The following ADIPOR2 variants were observed in gnomAD, a reference collection of about 807,000 sequenced individuals.
ADIPOR2 encodes the protein adiponectin receptor protein 2.
A neutral mutation model predicts 40.9 loss-of-function variants in ADIPOR2; 18 were observed. That is an observed-to-expected ratio of 0.44 (90% CI 0.30 to 0.65). The LOEUF (loss-of-function observed/expected upper bound fraction) is 0.65, where lower values mean the gene tolerates loss of function less well. Ranked by LOEUF, ADIPOR2 falls within the 30% of genes least tolerant of loss-of-function variation. ADIPOR2 has a pLI of 0.09. For synonymous variants in ADIPOR2, 165 were observed against 166.4 expected (o/e 0.99, Z 0.06); for missense variants, 283 against 479.2 (o/e 0.59, Z 3.82).
chr12:1,695,120 A>G (rs1165314601), intron 1 of ADIPOR2, among the ~76,000 whole-genome samples: 1 of 150,868 alleles, frequency 6.6e-6, no homozygotes, highest in African/African-American at 2.4e-5. Context: ...GGCTCAAGCG[A>G]TCCTCCCACC....
chr12:1,765,285 A>G (rs1862353711), intron 2 of ADIPOR2, among the ~76,000 whole-genome samples: 2 of 152,210 alleles, frequency 1.3e-5, no homozygotes, highest in African/African-American at 4.8e-5. Context: ...TGAGACATTT[A>G]TTCAGTCTAC....
rs1218542842 is a variant in ADIPOR2, at chr12:1,714,255, A to T, written c.-87+23064A>T. Among the ~76,000 whole-genome samples, 3 of 152,094 alleles carry T rather than the reference A, an allele frequency of 2.0e-5. No homozygotes were observed. In the East Asian group the frequency reaches 5.8e-4, roughly 29 times the overall value. On this transcript the variant is annotated intron_variant, in intron 1 of 7. Coordinates refer to ENST00000357103, the MANE Select transcript of ADIPOR2 (RefSeq NM_024551.3). Reference sequence around the variant, plus strand: ...AAGGTCTGTTTGTCTGAGGGCCATGACTAAGGCTGTAGCCTTTCTCTTATC... The same window carrying T: ...AAGGTCTGTTTGTCTGAGGGCCATGTCTAAGGCTGTAGCCTTTCTCTTATC...
chr12:1,703,790 T>C (rs2154441485), intron 1 of ADIPOR2, among the ~76,000 whole-genome samples: 1 of 152,202 alleles, frequency 6.6e-6, no homozygotes, highest in South Asian at 2.1e-4. Flanking sequence ...GATTTGTTTG[T>C]TTTTTTGTTT....
chr12:1,729,856 C>T (rs557801645), intron 1 of ADIPOR2, among the ~76,000 whole-genome samples: 55 of 152,086 alleles, frequency 3.6e-4, no homozygotes, highest in Non-Finnish European at 5.6e-4. Context: ...CAGGGAAAAG[C>T]ACAAAACTTG....
At position 1,778,107 on chromosome 12, in the gene ADIPOR2, C is replaced by T. The variant is rs528809519; in HGVS notation, c.463+82C>T. The T allele has an allele frequency of 1.7e-5, 24 of 1,421,446 alleles. No individual in the cohort carries two copies. In the African/African-American group the frequency reaches 3.3e-4, roughly 20 times the overall value. The allele number at this position is 1,421,446 out of a possible 1,614,324, so 88.1% of individuals were successfully genotyped here. On this transcript the variant is annotated intron_variant, in intron 4 of 7. Transcript: ENST00000357103. ...CATGTATTTGAGGGTAAGCACAGAA[C>T]TTCAGAAATGTATTTGGATTTGCCA...
intron 1 of ADIPOR2, among the ~76,000 whole-genome samples, chr12:1,742,635 A>G (rs1488580183): frequency 6.6e-6 from 1 of 152,244 alleles, no homozygotes; most frequent in Admixed American, 6.5e-5. Flanking sequence ...GCGTTTGCAT[A>G]TAACCTAAGC....
At chr12:1,721,212 T>C (rs1399815317) in intron 1 of ADIPOR2, among the ~76,000 whole-genome samples, 4 of 114,186 alleles carry the variant, frequency 3.5e-5, no homozygotes, top group Non-Finnish European at 7.4e-5. Context: ...AAACTTTTTT[T>C]TTTTTTTTTT....
intron 1 of ADIPOR2, among the ~76,000 whole-genome samples, chr12:1,727,801 G>A (rs777708382): frequency 2.1e-4 from 32 of 151,776 alleles, no homozygotes; most frequent in Middle Eastern, 3.2e-3. Context: ...CAACATCTTC[G>A]GGGAGCGGTC....
chr12:1,705,993 G>T (rs2094661470), intron 1 of ADIPOR2, among the ~76,000 whole-genome samples: 1 of 152,316 alleles, frequency 6.6e-6, no homozygotes, highest in Middle Eastern at 3.4e-3. Flanking sequence ...GATTGTTGGA[G>T]ATGATAGGTG....
At chr12:1,781,814 G>T (rs1445033317) in intron 6 of ADIPOR2, among the ~76,000 whole-genome samples, 1 of 152,164 alleles carries the variant, frequency 6.6e-6, no homozygotes, top group Non-Finnish European at 1.5e-5. Flanking sequence ...TCATCCGGGG[G>T]TACCTGGAAG....
chr12:1,693,131 G>A (rs1157026846), intron 1 of ADIPOR2, among the ~76,000 whole-genome samples: 6 of 152,084 alleles, frequency 3.9e-5, no homozygotes, highest in Admixed American at 6.5e-5. Flanking sequence ...CTCCAGTCTG[G>A]ACAACAAGAG....
chr12:1,774,484 C>G (rs1373023781), intron 3 of ADIPOR2, among the ~76,000 whole-genome samples: 1 of 152,226 alleles, frequency 6.6e-6, no homozygotes, highest in Non-Finnish European at 1.5e-5. Context: ...ACTGACCACA[C>G]TTGAAAACCA....
At chr12:1,708,471 C>T (rs1046373919) in intron 1 of ADIPOR2, among the ~76,000 whole-genome samples, 2 of 152,110 alleles carry the variant, frequency 1.3e-5, no homozygotes, top group African/African-American at 4.8e-5. Context: ...AAGATTTTCA[C>T]CTGTGTTTAT....
At chr12:1,782,668 T>C (rs1862741096) in intron 6 of ADIPOR2, among the ~76,000 whole-genome samples, 1 of 152,186 alleles carries the variant, frequency 6.6e-6, no homozygotes, top group Non-Finnish European at 1.5e-5. Context: ...CTAGTTCATT[T>C]AAAAAAATGC....
At chr12:1,744,369 G>A (rs1385914100) in intron 1 of ADIPOR2, among the ~76,000 whole-genome samples, 2 of 152,172 alleles carry the variant, frequency 1.3e-5, no homozygotes, top group African/African-American at 4.8e-5. Flanking sequence ...CTCCCAAAGT[G>A]CTGGGATTGC....
intron 1 of ADIPOR2, among the ~76,000 whole-genome samples, chr12:1,728,385 C>T (rs761055140): frequency 6.6e-6 from 1 of 151,756 alleles, no homozygotes; most frequent in Non-Finnish European, 1.5e-5. Context: ...GCTGGGATTA[C>T]AGGCATGAAC....
intron 1 of ADIPOR2, among the ~76,000 whole-genome samples, chr12:1,703,999 C>T (rs906599012): frequency 6.8e-5 from 10 of 148,002 alleles, no homozygotes; most frequent in South Asian, 2.1e-4. Context: ...AGATGTGAAC[C>T]GCTATGCCCC....
rs745501992 is a variant in ADIPOR2 at position 1,780,601 on chromosome 12, A to C, written c.614A>C (p.Tyr205Ser). 1.2e-6 allele frequency: 2 copies of C among 1,607,940 alleles called. No individual in the cohort carries two copies. Among genetic ancestry groups the C allele is most frequent in the African/African-American group, 1.3e-5 (1 of 74,466 alleles). The change falls in exon 5 of 8, where the codon TAC becomes TCC. Residue 205 changes from tyrosine to serine, a missense_variant. Coordinates refer to ENST00000357103, the MANE Select transcript of ADIPOR2 (RefSeq NM_024551.3). Reference protein sequence around the residue: ...LSFSWLFHTVYCHSEGVSRLF... With the variant: ...LSFSWLFHTVSCHSEGVSRLF... ...TTTTCATGGCTCTTCCACACAGTCTACTGCCACTCAGAGGGGGTCTCTCGG... is the reference window on the plus strand; with the variant it reads ...TTTTCATGGCTCTTCCACACAGTCTCCTGCCACTCAGAGGGGGTCTCTCGG...
intron 1 of ADIPOR2, among the ~76,000 whole-genome samples, chr12:1,728,430 A>C (rs2094712438): frequency 1.3e-5 from 2 of 151,890 alleles, no homozygotes; most frequent in South Asian, 4.2e-4. Flanking sequence ...TTTAAAAAAA[A>C]ATGTTAACAC....
Sources: allele counts gnomAD v4.1 joint callset (sites outside exome capture counted in the v4.1 genomes callset), GRCh38; gene constraint gnomAD v4.1.1; transcripts MANE v1.5; gene names NCBI Gene and HGNC (gene_info 2026-07-23, HGNC 2026-07-21).